Variants in GRIK1 observed in about 807,000 individuals in gnomAD.
GRIK1 encodes the protein glutamate receptor ionotropic, kainate 1.
A neutral mutation model predicts 105.7 loss-of-function variants in GRIK1; 69 were observed. The ratio of observed to expected loss-of-function variants is 0.65; its 90% CI spans 0.54 to 0.80. GRIK1 has a LOEUF of 0.80. GRIK1 is among the 30% of genes least tolerant of loss of function. The pLI, the probability that GRIK1 is intolerant of heterozygous loss-of-function variation, is 0.00. For synonymous variants in GRIK1, 438 were observed against 431.3 expected (o/e 1.02, Z -0.19); for missense variants, 1,109 against 1,167.3 (o/e 0.95, Z 0.73).
rs1446838298 is a variant in GRIK1, at chr21:29,537,439, G to A, written c.2695-54C>T. ...CTTAATTAAGCCTATCGCATGTGCC[G>A]TTGACCTGCCTCTTGCCTAGGTATT... On this transcript the variant is annotated intron_variant, in intron 17 of 17. Coordinates refer to ENST00000327783, the MANE Select transcript of GRIK1 (RefSeq NM_001330994.2). 2.8e-5 allele frequency: 40 copies of A among 1,404,064 alleles called. No homozygotes were observed. In the South Asian group the frequency reaches 4.7e-4, roughly 17 times the overall value. 87.0% of individuals were successfully genotyped at this position (1,404,064 alleles called of 1,614,324 possible). A position where few individuals can be genotyped will look rare whatever the true frequency, so the allele number is the denominator to read the frequency against.
At chr21:29,766,030 T>TA (rs1180430908) in intron 1 of GRIK1, among the ~76,000 whole-genome samples, 1 of 151,944 alleles carries the variant, frequency 6.6e-6, no homozygotes, top group Non-Finnish European at 1.5e-5. Flanking sequence ...TTTTTGTATT[T>TA]TTAGTAGAGA....
chr21:29,796,751 C>G (rs1484447613), intron 1 of GRIK1, among the ~76,000 whole-genome samples: 1 of 152,108 alleles, frequency 6.6e-6, no homozygotes, highest in Non-Finnish European at 1.5e-5. Flanking sequence ...AAGTTCGAGA[C>G]CAGCCTGGCC....
At chr21:29,938,394 A>G (rs181825342) in intron 1 of GRIK1, among the ~76,000 whole-genome samples, 5 of 152,354 alleles carry the variant, frequency 3.3e-5, no homozygotes, top group Admixed American at 2.0e-4. Flanking sequence ...GGGTTGGGAA[A>G]GGAGGAGGGC....
At position 29,694,693 on chromosome 21, in the gene GRIK1, A is replaced by G. The variant is rs549548209; in HGVS notation, c.119-630T>C. Among the ~76,000 whole-genome samples the G allele has an allele frequency of 2.6e-5, 4 of 152,334 alleles. No homozygotes were observed. In the South Asian group the frequency reaches 8.3e-4, roughly 32 times the overall value. The stretch of plus-strand genomic sequence containing the variant: ...AGGACGATTTTCTGTGATGTGGACA[A>G]GAATTGCACCATGCTCGATCTAAAC... On this transcript the variant is annotated intron_variant, in intron 1 of 17. Transcript: ENST00000327783.
intron 1 of GRIK1, among the ~76,000 whole-genome samples, chr21:29,824,938 A>G (rs2067409977): frequency 1.3e-5 from 2 of 151,958 alleles, no homozygotes; most frequent in Non-Finnish European, 2.9e-5. Flanking sequence ...TGGTGACTTG[A>G]GTGATGTTGA....
chr21:29,581,233 T>C (rs75440428), intron 13 of GRIK1, among the ~76,000 whole-genome samples, 192 bp downstream of exon 13: 3 of 152,286 alleles, frequency 2.0e-5, no homozygotes, highest in African/African-American at 7.2e-5. Flanking sequence ...TTTAGATATA[T>C]AGCAAGGGAG....
chr21:29,903,623 C>A (rs982205352), intron 1 of GRIK1, among the ~76,000 whole-genome samples: 2 of 152,114 alleles, frequency 1.3e-5, no homozygotes, highest in Non-Finnish European at 2.9e-5. Flanking sequence ...ATTAAAAAGT[C>A]AGGAAACAAC....
chr21:29,794,920 A>T (rs1722400637), intron 1 of GRIK1, among the ~76,000 whole-genome samples: 1 of 151,358 alleles, frequency 6.6e-6, no homozygotes, highest in Admixed American at 6.6e-5. Context: ...AGCATTTTTG[A>T]GTGCTGGTAA....
Position 29,827,261 on chromosome 21 carries a change from T to A in GRIK1, c.118+112122A>T, listed in dbSNP as rs150377597. Among the ~76,000 whole-genome samples, 1,165 of 152,246 alleles carry A rather than the reference T, an allele frequency of 7.7e-3. 16 individuals carry two copies. Among genetic ancestry groups the A allele is most frequent in the African/African-American group, 0.027 (1,120 of 41,564 alleles). On this transcript the variant is annotated intron_variant, in intron 1 of 17. Coordinates refer to ENST00000327783, the MANE Select transcript of GRIK1 (RefSeq NM_001330994.2). Reference sequence around the variant, plus strand: ...ACACATTTTAAAGCAGGTGGTATTTTGAACTCAGGCCCTAGACAAAAATTA... The same window carrying A: ...ACACATTTTAAAGCAGGTGGTATTTAGAACTCAGGCCCTAGACAAAAATTA...
intron 1 of GRIK1, among the ~76,000 whole-genome samples, chr21:29,780,345 A>G (rs955353857): frequency 6.6e-6 from 1 of 152,216 alleles, no homozygotes; most frequent in Non-Finnish European, 1.5e-5. Context: ...GGACATAGTT[A>G]TCCATTATTT....
rs200516350 is a variant in GRIK1, at chr21:29,581,417, C to T, written c.1912+8G>A. On this transcript the variant is annotated splice_region_variant and intron_variant, in intron 13 of 17. Transcript: ENST00000327783. ...GATGCGTGTGACAAAGATAGGCAACCGGTGTACCTTGCTGCATGAGAGCTC... is the reference window on the plus strand; with the variant it reads ...GATGCGTGTGACAAAGATAGGCAACTGGTGTACCTTGCTGCATGAGAGCTC... The T allele has an allele frequency of 5.2e-5, 79 of 1,524,118 alleles. No individual in the cohort carries two copies. The highest frequency in any genetic ancestry group is 4.8e-4 in the South Asian group (43 of 89,196). 94.4% of individuals were successfully genotyped at this position (1,524,118 alleles called of 1,614,324 possible).
intron 1 of GRIK1, among the ~76,000 whole-genome samples, chr21:29,812,621 A>G (rs2067041255): frequency 6.6e-6 from 1 of 152,104 alleles, no homozygotes; most frequent in Non-Finnish European, 1.5e-5. Context: ...GAACACTTTA[A>G]TTACCTTTGG....
intron 1 of GRIK1, among the ~76,000 whole-genome samples, chr21:29,825,242 G>A (rs1431487205): frequency 6.6e-6 from 1 of 151,928 alleles, no homozygotes; most frequent in Non-Finnish European, 1.5e-5. Flanking sequence ...AAGAGCAAAG[G>A]CTTTAAAAAG....
Position 29,681,461 on chromosome 21 carries a change from A to G in GRIK1, c.544+8267T>C, listed in dbSNP as rs145973091. Among the ~76,000 whole-genome samples, 1,414 of 151,872 alleles carry G rather than the reference A, an allele frequency of 9.3e-3. 27 individuals carry two copies. Among genetic ancestry groups the G allele is most frequent in the African/African-American group, 0.033 (1,358 of 41,432 alleles). ...GCTGTTGCTCTGAGGTACCAGGCAC[A>G]CTCTCACCTGAGACATTAGCTGTTC... On this transcript the variant is annotated intron_variant, in intron 3 of 17. Transcript: ENST00000327783.
rs2091021463 is a variant in GRIK1 at position 29,581,437 on chromosome 21, G to C, written c.1900C>G (p.Leu634Val). 2 of 1,604,942 alleles carry C rather than the reference G, an allele frequency of 1.2e-6. No individual in the cohort carries two copies. Among genetic ancestry groups the C allele is most frequent in the African/African-American group, 1.3e-5 (1 of 74,672 alleles). Reference protein sequence around the residue: ...LNSFWFGVGALMQQGSELMPK... With the variant: ...LNSFWFGVGAVMQQGSELMPK... ...GCAACCGGTGTACCTTGCTGCATGA[G>C]AGCTCCAACTCCAAACCAGAAACTA... The change falls in exon 13 of 18, where the codon CTC becomes GTC. Residue 634 changes from leucine (L) to valine (V), a missense_variant. By Grantham distance (32) the Leu-to-Val change is conservative. This residue lies in a region of GRIK1 where 264 missense variants were observed against 306.9 expected (regional missense o/e 0.86). Coordinates refer to ENST00000327783, the MANE Select transcript of GRIK1 (RefSeq NM_001330994.2).
chr21:29,674,893 C>T (rs755117095), intron 3 of GRIK1, among the ~76,000 whole-genome samples: 8 of 152,156 alleles, frequency 5.3e-5, no homozygotes, highest in Non-Finnish European at 1.2e-4. Flanking sequence ...TAGTAGGCTT[C>T]CTGGATTCTT....
intron 1 of GRIK1, among the ~76,000 whole-genome samples, chr21:29,771,686 G>A (rs2065817280): frequency 6.6e-6 from 1 of 152,206 alleles, no homozygotes; most frequent in Non-Finnish European, 1.5e-5. Flanking sequence ...AAGCCAGTGT[G>A]GGCTGGATAT....
At chr21:29,642,734 T>C (rs1888796945) in intron 7 of GRIK1, 92 bp downstream of exon 7, 5 of 1,113,938 alleles carry the variant, frequency 4.5e-6, no homozygotes, top group South Asian at 4.3e-5. Context: ...AGGGGCATCA[T>C]GCCAGCAGAA....
intron 1 of GRIK1, among the ~76,000 whole-genome samples, chr21:29,869,569 C>G (rs1177793576): frequency 6.6e-6 from 1 of 152,180 alleles, no homozygotes; most frequent in Non-Finnish European, 1.5e-5. Context: ...AAAACAGAGT[C>G]TTTTATTCCA....
Sources: gnomAD v4.1 joint callset for allele counts (sites outside exome capture counted in the v4.1 genomes callset) on GRCh38, gnomAD v4.1.1 for gene constraint, gnomAD v4.1.1 regional missense constraint, MANE v1.5 for transcripts, NCBI Gene and HGNC (gene_info 2026-07-23, HGNC 2026-07-21) for gene names.